TAFA1: variants seen among roughly 807,000 people sequenced by gnomAD.
TAFA1 encodes chemokine-like protein TAFA-1.
A neutral mutation model predicts 18.5 loss-of-function variants in TAFA1; 4 were observed. That is an observed-to-expected ratio of 0.22 (90% confidence interval 0.11 to 0.49). TAFA1 has a LOEUF of 0.49. Ranked by LOEUF, TAFA1 falls within the 20% of genes least tolerant of loss-of-function variation. The probability of loss-of-function intolerance (pLI) is 0.98; values close to 1 mark genes in which losing one functional copy is unlikely to be tolerated. For synonymous variants in TAFA1, 56 were observed against 55.2 expected, an observed-to-expected ratio of 1.01 and a Z score of -0.06; for missense variants, 147 against 169.0, an observed-to-expected ratio of 0.87 and a Z score of 0.72.
intron 3 of TAFA1, among the ~76,000 whole-genome samples, chr3:68,525,654 T>A (rs186101745): frequency 5.5e-4 from 83 of 152,286 alleles, no homozygotes; most frequent in Middle Eastern, 3.4e-3. Flanking sequence ...ACTATCAAAT[T>A]ATTTTGCCAT....
At chr3:68,493,551 C>A (rs982847828) in intron 3 of TAFA1, among the ~76,000 whole-genome samples, 5 of 152,116 alleles carry the variant, frequency 3.3e-5, no homozygotes, top group African/African-American at 1.2e-4. Flanking sequence ...CTTTGAGGAA[C>A]CTCCATAACT....
At chr3:68,408,171 A>G (rs1468103576) in intron 2 of TAFA1, among the ~76,000 whole-genome samples, 1 of 152,218 alleles carries the variant, frequency 6.6e-6, no homozygotes, top group Non-Finnish European at 1.5e-5. Context: ...CGTTTGTAAT[A>G]AAGTGGAAAT....
chr3:68,490,104 T>A (rs2072422885), intron 3 of TAFA1, among the ~76,000 whole-genome samples: 1 of 152,214 alleles, frequency 6.6e-6, no homozygotes, highest in Admixed American at 6.5e-5. Flanking sequence ...TTTTGGGAAA[T>A]TTTAGCTTGA....
At chr3:68,396,100 T>G (rs1007007086) in intron 2 of TAFA1, among the ~76,000 whole-genome samples, 4 of 152,152 alleles carry the variant, frequency 2.6e-5, no homozygotes, top group African/African-American at 9.7e-5. Context: ...ATTTCCTTAT[T>G]ATTTTGTGAG....
At chr3:68,138,216 C>T (rs2065630488) in intron 2 of TAFA1, among the ~76,000 whole-genome samples, 1 of 152,120 alleles carries the variant, frequency 6.6e-6, no homozygotes, top group African/African-American at 2.4e-5. Context: ...TGAGCAGAGC[C>T]ATGTGACAAG....
intron 2 of TAFA1, among the ~76,000 whole-genome samples, chr3:68,140,468 T>G (rs1416067492): frequency 6.6e-6 from 1 of 152,190 alleles, no homozygotes; most frequent in African/African-American, 2.4e-5. Context: ...TCCTCTACAT[T>G]TGGACTATAC....
chr3:68,394,750 AGAAAACT>A, intron 2 of TAFA1, among the ~76,000 whole-genome samples: 1 of 152,332 alleles, frequency 6.6e-6, no homozygotes, highest in South Asian at 2.1e-4. Flanking sequence ...AGCCATATGC[AGAAAACT>A]GAAACTGAAC....
chr3:68,260,810 A>G (rs1235441606), intron 2 of TAFA1, among the ~76,000 whole-genome samples: 1 of 152,332 alleles, frequency 6.6e-6, no homozygotes, highest in East Asian at 1.9e-4. Context: ...CTAAAACCAT[A>G]AAAATCCTAG....
intron 3 of TAFA1, among the ~76,000 whole-genome samples, chr3:68,473,767 G>C (rs1314723518): frequency 6.6e-6 from 1 of 152,148 alleles, no homozygotes; most frequent in Non-Finnish European, 1.5e-5. Context: ...GCTCAGAAAA[G>C]ACTCCAGAAA....
At chr3:68,531,682 T>C (rs1286104738) in intron 3 of TAFA1, among the ~76,000 whole-genome samples, 1 of 152,134 alleles carries the variant, frequency 6.6e-6, no homozygotes, top group Non-Finnish European at 1.5e-5. Flanking sequence ...ATGGGGAAGC[T>C]GCTGATCACC....
At chr3:68,067,790 T>A (rs1475223285) in intron 2 of TAFA1, among the ~76,000 whole-genome samples, 1 of 152,060 alleles carries the variant, frequency 6.6e-6, no homozygotes, top group Non-Finnish European at 1.5e-5. Context: ...AACAAACATT[T>A]ACTGATTGCC....
At chr3:68,002,490 C>G (rs1704294438), upstream of TAFA1, among the ~76,000 whole-genome samples, 1 of 152,116 alleles carries the variant, frequency 6.6e-6, no homozygotes, top group African/African-American at 2.4e-5. Context: ...AGGTGAACTT[C>G]CTTTTAATTT....
intron 2 of TAFA1, among the ~76,000 whole-genome samples, chr3:68,122,950 C>T (rs967406107): frequency 2.6e-5 from 4 of 151,428 alleles, no homozygotes; most frequent in Admixed American, 6.6e-5. Flanking sequence ...TTTCATGACT[C>T]ATTAGGGAGA....
At chr3:68,010,423 G>T (rs1263914400) in intron 2 of TAFA1, among the ~76,000 whole-genome samples, 1 of 152,130 alleles carries the variant, frequency 6.6e-6, no homozygotes, top group African/African-American at 2.4e-5. Flanking sequence ...GGTCCTTTAG[G>T]GGAAATGGTT....
chr3:68,482,996 G>C (rs372955490), intron 3 of TAFA1, among the ~76,000 whole-genome samples: 1 of 152,192 alleles, frequency 6.6e-6, no homozygotes, highest in Non-Finnish European at 1.5e-5. Flanking sequence ...GTTGGGGTCA[G>C]TTCTGTTGTT....
At chr3:68,452,988 A>G (rs2071592264) in intron 3 of TAFA1, among the ~76,000 whole-genome samples, 1 of 152,180 alleles carries the variant, frequency 6.6e-6, no homozygotes, top group Non-Finnish European at 1.5e-5. Context: ...CGCCTCTTTG[A>G]ATGATAATAT....
chr3:68,300,919 G>A lies in TAFA1; in HGVS notation c.119-116361G>A, dbSNP rs527379418. On this transcript the variant is annotated intron_variant, in intron 2 of 4. Coordinates refer to ENST00000478136, the MANE Select transcript of TAFA1 (RefSeq NM_213609.4). ...GAGGTCTCCCCAGCCATGCTAAATT[G>A]TAAGTCAATTAAACCTCTTTCCTTT... is the stretch of plus-strand genomic sequence containing the variant. 2.0e-3 allele frequency among the ~76,000 whole-genome samples: 303 copies of A among 152,194 alleles called. 1 individual carries two copies. The highest frequency in any genetic ancestry group is 5.4e-3 in the African/African-American group (226 of 41,506).
chr3:68,307,232 A>G (rs2068438030), intron 2 of TAFA1, among the ~76,000 whole-genome samples: 1 of 152,200 alleles, frequency 6.6e-6, no homozygotes, highest in South Asian at 2.1e-4. Context: ...ATGATGAAAA[A>G]AGTTACTTAG....
chr3:68,397,236 T>C (rs796673351), intron 2 of TAFA1, among the ~76,000 whole-genome samples: 4 of 152,290 alleles, frequency 2.6e-5, no homozygotes, highest in African/African-American at 9.6e-5. Context: ...GGTGGGTTGC[T>C]GCACCCATCA....
Sources: allele counts gnomAD v4.1 joint callset (sites outside exome capture counted in the v4.1 genomes callset), GRCh38; gene constraint gnomAD v4.1.1; transcripts MANE v1.5; gene names NCBI Gene and HGNC (gene_info 2026-07-23, HGNC 2026-07-21).